Variants in KCNQ1 observed in about 807,000 individuals in gnomAD.
KCNQ1 encodes the protein potassium voltage-gated channel subfamily Q member 1, also known as potassium voltage-gated channel subfamily KQT member 1.
KCNQ1 carries 49 observed loss-of-function variants against 72.4 expected under a neutral mutation model. The ratio of observed to expected loss-of-function variants is 0.68; its 90% CI spans 0.54 to 0.86. The LOEUF is 0.86. KCNQ1 is among the 40% of genes least tolerant of loss of function. The probability of loss-of-function intolerance (pLI) is 0.00; values close to 1 mark genes in which losing one functional copy is unlikely to be tolerated. For synonymous variants in KCNQ1, 450 were observed against 412.6 expected, an observed-to-expected ratio of 1.09 and a Z score of -1.10; for missense variants, 790 against 945.1, an observed-to-expected ratio of 0.84 and a Z score of 2.15.
chr11:2,702,961 T>G (rs749231621), intron 11 of KCNQ1, among the ~76,000 whole-genome samples: 47 of 152,132 alleles, frequency 3.1e-4, no homozygotes, highest in Non-Finnish European at 7.4e-5. Flanking sequence ...CACTCCCGCC[T>G]CCTCTAGTCC....
rs137861269 is a variant in KCNQ1 at position 2,501,669 on chromosome 11, A to G, written c.387-26259A>G. On this transcript the variant is annotated intron_variant, in intron 1 of 15. Transcript: ENST00000155840. ...AGGAGGAGGGAATACCTCCAAACTC[A>G]TCTACAAGGCCCGTATTACCCTGTT... Among the ~76,000 whole-genome samples, 189 of 149,114 alleles carry G rather than the reference A, an allele frequency of 1.3e-3. 1 individual carries two copies. The highest frequency in any genetic ancestry group is 4.5e-3 in the African/African-American group (183 of 40,358).
chr11:2,572,798 C>T, intron 5 of KCNQ1, 48 bp from the exon 6 acceptor site: 1 of 1,612,214 alleles, frequency 6.2e-7, no homozygotes, highest in Non-Finnish European at 8.5e-7. Flanking sequence ...ACAGGAGGCT[C>T]CCAGCCTGCG....
intron 11 of KCNQ1, among the ~76,000 whole-genome samples, chr11:2,736,712 A>G (rs766851412): frequency 1.3e-5 from 2 of 152,336 alleles, no homozygotes; most frequent in African/African-American, 4.8e-5. Flanking sequence ...GCCCAGAGCA[A>G]AGGGCGGCTT....
rs557337642 is a variant in KCNQ1, at chr11:2,458,590, G to A, written c.386+13106G>A. On this transcript the variant is annotated intron_variant, in intron 1 of 15. Transcript: ENST00000155840. This position sits in a 1 kb window ranked among gnomAD's most constrained non-coding sequence, Gnocchi z 4.6. ...CCTCTCCAAAGCAGTAAAGGCCTTC[G>A]GACAGTGCACAGAAAGTGCTCCCAT... 1.3e-5 allele frequency among the ~76,000 whole-genome samples: 2 copies of A among 150,658 alleles called. No individual in the cohort carries two copies. The highest frequency in any genetic ancestry group is 6.6e-5 in the Admixed American group (1 of 15,058).
Position 2,447,125 on chromosome 11 carries a change from T to C in KCNQ1, c.386+1641T>C, listed in dbSNP as rs1846050287. On this transcript the variant is annotated intron_variant, in intron 1 of 15. Transcript: ENST00000155840. The surrounding 1 kb of genome is among the most constrained non-coding windows in gnomAD (Gnocchi z 7.6). ...TCCGGGCTCACTGCAGCCACCCGTG[T>C]GGAGGAAGAGGAGGAAGAGGGCTCG... Among the ~76,000 whole-genome samples the C allele has an allele frequency of 6.6e-6, 1 of 152,198 alleles. No individual in the cohort carries two copies. The highest frequency in any genetic ancestry group is 2.4e-5 in the African/African-American group (1 of 41,450).
Position 2,478,167 on chromosome 11 carries a change from A to G in KCNQ1, c.386+32683A>G, listed in dbSNP as rs575040727. Among the ~76,000 whole-genome samples the G allele has an allele frequency of 2.6e-5, 4 of 152,324 alleles. No homozygotes were observed. Among genetic ancestry groups the G allele is most frequent in the African/African-American group, 9.6e-5 (4 of 41,568 alleles). ...GTCCAGGGTCGAATCATCCGGAGAC[A>G]CAGGGCAAACCCACATGGAGGGAGA... is the stretch of plus-strand genomic sequence containing the variant. On this transcript the variant is annotated intron_variant, in intron 1 of 15. Transcript: ENST00000155840. This position sits in a 1 kb window ranked among gnomAD's most constrained non-coding sequence, Gnocchi z 4.0.
intron 1 of KCNQ1, among the ~76,000 whole-genome samples, chr11:2,454,521 G>A (rs569010179): frequency 6.6e-6 from 1 of 152,222 alleles, no homozygotes; most frequent in East Asian, 1.9e-4. Context: ...GCATGCAGTG[G>A]CCACATAATT....
chr11:2,679,833 G>A lies in KCNQ1; in HGVS notation c.1514+17752G>A. The stretch of plus-strand genomic sequence containing the variant: ...AAGGGGCCAGACTGCTGCTACTTCT[G>A]AATTTTATAGGACATGCATTTTTTT... On this transcript the variant is annotated intron_variant, in intron 11 of 15. Transcript: ENST00000155840. This position sits in a 1 kb window ranked among gnomAD's most constrained non-coding sequence, Gnocchi z 4.8. 1 of 398,556 alleles carries A rather than the reference G, an allele frequency of 2.5e-6. No individual in the cohort carries two copies. The highest frequency in any genetic ancestry group is 4.4e-6 in the Non-Finnish European group (1 of 226,050). The allele number at this position is 398,556 out of a possible 1,614,324, so 24.7% of individuals were successfully genotyped here. A position where few individuals can be genotyped will look rare whatever the true frequency, so the allele number is the denominator to read the frequency against.
rs1590019668 is a variant in KCNQ1, at chr11:2,667,962, C to T, written c.1514+5881C>T. 21 of 398,578 alleles carry T rather than the reference C, an allele frequency of 5.3e-5. No homozygotes were observed. The East Asian group carries it at 7.5e-4, about 14-fold the overall frequency. The allele number at this position is 398,578 out of a possible 1,614,324, so 24.7% of individuals were successfully genotyped here. ...AGGAAGCAACAGAACCCCCAGAAAG[C>T]CTCTCAGGCTCCCATTTCCTGTCAC... On this transcript the variant is annotated intron_variant, in intron 11 of 15. Coordinates refer to ENST00000155840, the MANE Select transcript of KCNQ1 (RefSeq NM_000218.3).
In KCNQ1 at chr11:2,687,706, G is replaced by A. The variant is rs1205474028; in HGVS notation, c.1514+25625G>A. 3 of 398,616 alleles carry A rather than the reference G, an allele frequency of 7.5e-6. No individual in the cohort carries two copies. The highest frequency in any genetic ancestry group is 1.2e-3 in the Middle Eastern group (2 of 1,614). 24.7% of individuals were successfully genotyped at this position (398,616 alleles called of 1,614,324 possible). A position where few individuals can be genotyped will look rare whatever the true frequency, so the allele number is the denominator to read the frequency against. Reference sequence around the variant, plus strand: ...CAGGGTTCAGTGTTGGAATGGGTCTGGGCCCAGATTTCAAGCCAGTAACCA... The same window carrying A: ...CAGGGTTCAGTGTTGGAATGGGTCTAGGCCCAGATTTCAAGCCAGTAACCA... On this transcript the variant is annotated intron_variant, in intron 11 of 15. Transcript: ENST00000155840. The surrounding 1 kb of genome is among the most constrained non-coding windows in gnomAD (Gnocchi z 5.0).
At chr11:2,630,315 T>C (rs1564838803) in intron 10 of KCNQ1, 2 of 398,214 alleles carry the variant, frequency 5.0e-6, no homozygotes, top group South Asian at 1.3e-4. Flanking sequence ...AGTTTGATCA[T>C]ATTTTGTTGA....
At position 2,571,217 on chromosome 11, in the gene KCNQ1, C is replaced by A. The variant is rs949004497; in HGVS notation, c.605-108C>A. 1.2e-5 allele frequency: 11 copies of A among 906,406 alleles called. No individual in the cohort carries two copies. The East Asian group carries it at 2.2e-4, about 18-fold the overall frequency. 56.1% of individuals were successfully genotyped at this position (906,406 alleles called of 1,614,324 possible). A position where few individuals can be genotyped will look rare whatever the true frequency, so the allele number is the denominator to read the frequency against. On this transcript the variant is annotated intron_variant, in intron 3 of 15. Transcript: ENST00000155840. ...ATGTCCCCGGTCATCAGGGCGTGACCCGTCTGACCAGCAAGCCCCTTCCCC... is the reference window on the plus strand; with the variant it reads ...ATGTCCCCGGTCATCAGGGCGTGACACGTCTGACCAGCAAGCCCCTTCCCC...
intron 10 of KCNQ1, chr11:2,643,451 T>C (rs1170868915): frequency 2.5e-6 from 1 of 398,354 alleles, no homozygotes; most frequent in Non-Finnish European, 4.4e-6. Context: ...ACCTTTGTTT[T>C]ATCTGATGAA....
rs953808292 is a variant in KCNQ1 at position 2,601,195 on chromosome 11, T to C, written c.1393+12341T>C. On this transcript the variant is annotated intron_variant, in intron 10 of 15. Transcript: ENST00000155840. The surrounding 1 kb of genome is among the most constrained non-coding windows in gnomAD (Gnocchi z 5.2). The stretch of plus-strand genomic sequence containing the variant: ...AACTCTAGCACCCCTTCCACGAAAG[T>C]ACAGAAAGAAAAAAAAATACTGTCC... Among the ~76,000 whole-genome samples the C allele has an allele frequency of 6.6e-6, 1 of 152,008 alleles. No individual in the cohort carries two copies. The highest frequency in any genetic ancestry group is 1.5e-5 in the Non-Finnish European group (1 of 67,996).
In KCNQ1 at chr11:2,683,127, G is replaced by T. The variant is rs1404810959; in HGVS notation, c.1514+21046G>T. The T allele has an allele frequency of 3.0e-6, 1 of 338,248 alleles. No homozygotes were observed. Among genetic ancestry groups the T allele is most frequent in the East Asian group, 4.3e-5 (1 of 23,026 alleles). 21.0% of individuals were successfully genotyped at this position (338,248 alleles called of 1,614,324 possible). On this transcript the variant is annotated intron_variant, in intron 11 of 15. Transcript: ENST00000155840. This position sits in a 1 kb window ranked among gnomAD's most constrained non-coding sequence, Gnocchi z 4.7. ...CCCAGGATATATCGCACCAACTCAG[G>T]AGGGTGTGGGGATGGGCTAGCATTA...
rs371488379 is a variant in KCNQ1 at position 2,661,953 on chromosome 11, C to A, written c.1394-8C>A. 7.7e-5 allele frequency: 125 copies of A among 1,614,084 alleles called. No homozygotes were observed. Among genetic ancestry groups the A allele is most frequent in the Non-Finnish European group, 1.0e-4 (123 of 1,180,044 alleles). ...GCCTAACGTGCTGTCCCCACACTTT[C>A]TCCTCAGTAAGGAAGAGCCCAACAC... On this transcript the variant is annotated splice_region_variant and splice_polypyrimidine_tract_variant and intron_variant, in intron 10 of 15. Transcript: ENST00000155840. The surrounding 1 kb of genome is among the most constrained non-coding windows in gnomAD (Gnocchi z 5.9).
Position 2,657,980 on chromosome 11 carries a change from C to T in KCNQ1, c.1394-3981C>T. ...CTCGTTTAAAGTGGTGTCGGCCAGG[C>T]TCCTCCACTGTAAGTGAATAGCTGT... On this transcript the variant is annotated intron_variant, in intron 10 of 15. Transcript: ENST00000155840. The surrounding 1 kb of genome is among the most constrained non-coding windows in gnomAD (Gnocchi z 4.8). 3 of 398,602 alleles carry T rather than the reference C, an allele frequency of 7.5e-6. No individual in the cohort carries two copies. The highest frequency in any genetic ancestry group is 1.3e-5 in the Non-Finnish European group (3 of 226,060). 24.7% of individuals were successfully genotyped at this position (398,602 alleles called of 1,614,324 possible).
In KCNQ1 at chr11:2,754,523, TA is replaced by T. The variant is rs1564882422; in HGVS notation, c.1515-14320del. Among the ~76,000 whole-genome samples, 844 of 152,274 alleles carry T rather than the reference TA, an allele frequency of 5.5e-3. 4 individuals carry two copies. Among genetic ancestry groups the T allele is most frequent in the African/African-American group, 0.019 (802 of 41,544 alleles). On this transcript the variant is annotated intron_variant, in intron 11 of 15. Coordinates refer to ENST00000155840, the MANE Select transcript of KCNQ1 (RefSeq NM_000218.3). ...AGATGTTGCAGTGTAGGCACAAGGG[TA>T]GACAATTAGCCCATTATCCCAGTGG...
At chr11:2,616,926 T>G (rs1181170485) in intron 10 of KCNQ1, 2 of 397,846 alleles carry the variant, frequency 5.0e-6, no homozygotes, top group Non-Finnish European at 8.9e-6. Flanking sequence ...TCTCTTTTCT[T>G]ATTGGGCTTC....
Sources: allele counts gnomAD v4.1 joint callset (sites outside exome capture counted in the v4.1 genomes callset), GRCh38; gene constraint gnomAD v4.1.1; non-coding constraint Gnocchi (gnomAD v3.1); transcripts MANE v1.5; gene names NCBI Gene and HGNC (gene_info 2026-07-23, HGNC 2026-07-21).